ST6GALNAC3: variants seen among roughly 807,000 people sequenced by gnomAD.
ST6GALNAC3 encodes alpha-N-acetylgalactosaminide alpha-2,6-sialyltransferase 3.
Under a neutral mutation model 32.7 loss-of-function variants are expected in ST6GALNAC3, and 25 were observed. The ratio of observed to expected loss-of-function variants is 0.76; its 90% confidence interval spans 0.56 to 1.07. ST6GALNAC3 has a LOEUF of 1.07. Among genes scored for constraint, ST6GALNAC3 ranks in the 50% least tolerant of loss-of-function variants. The pLI is 0.00. For missense variants in ST6GALNAC3, 355 were observed against 382.4 expected (o/e 0.93, Z 0.60); for synonymous variants, 129 against 133.1 (o/e 0.97, Z 0.21).
At chr1:76,395,906 G>A (rs1652918978) in intron 2 of ST6GALNAC3, among the ~76,000 whole-genome samples, 1 of 152,078 alleles carries the variant, frequency 6.6e-6, no homozygotes, top group Non-Finnish European at 1.5e-5. Context: ...TGATAGCAGA[G>A]TAGGGTGAAT....
intron 3 of ST6GALNAC3, among the ~76,000 whole-genome samples, chr1:76,617,592 A>G (rs541149766): frequency 6.6e-6 from 1 of 152,304 alleles, no homozygotes; most frequent in South Asian, 2.1e-4. Context: ...CAACTTTTTA[A>G]AGCTTAAGTA....
At chr1:76,459,422 C>T (rs541181163) in intron 3 of ST6GALNAC3, among the ~76,000 whole-genome samples, 9 of 151,936 alleles carry the variant, frequency 5.9e-5, no homozygotes, top group East Asian at 1.9e-4. Context: ...AAATTAGCCA[C>T]GCGTGGTGGC....
At chr1:76,386,129 C>CT (rs1652074659) in intron 2 of ST6GALNAC3, among the ~76,000 whole-genome samples, 1 of 151,448 alleles carries the variant, frequency 6.6e-6, no homozygotes. Context: ...CTCTGAAAGC[C>CT]TATATATTAA....
At chr1:76,369,644 C>T (rs576538315) in intron 2 of ST6GALNAC3, among the ~76,000 whole-genome samples, 39 of 152,194 alleles carry the variant, frequency 2.6e-4, no homozygotes, top group African/African-American at 9.4e-4. Flanking sequence ...TCAGCCTCTT[C>T]CTTTCTCCTA....
At chr1:76,077,129 G>A (rs958397080) in intron 1 of ST6GALNAC3, among the ~76,000 whole-genome samples, 1 of 152,180 alleles carries the variant, frequency 6.6e-6, no homozygotes, top group African/African-American at 2.4e-5. Flanking sequence ...TGAGTTCAGT[G>A]CAAGCCTGGC....
At chr1:76,075,530 G>A (rs1646803417) in intron 1 of ST6GALNAC3, among the ~76,000 whole-genome samples, 1 of 152,166 alleles carries the variant, frequency 6.6e-6, no homozygotes, top group African/African-American at 2.4e-5. Flanking sequence ...TTTATGCTCT[G>A]CCAGAGTGCG....
chr1:76,573,358 C>T (rs555544863), intron 3 of ST6GALNAC3, among the ~76,000 whole-genome samples: 1 of 152,202 alleles, frequency 6.6e-6, no homozygotes, highest in African/African-American at 2.4e-5. Flanking sequence ...TAACAAATCT[C>T]ATTGTTGATT....
chr1:76,284,937 GGT>G (rs1659694519), intron 1 of ST6GALNAC3, among the ~76,000 whole-genome samples: 1 of 152,036 alleles, frequency 6.6e-6, no homozygotes, highest in Non-Finnish European at 1.5e-5. Flanking sequence ...GCCACAATAG[GGT>G]GTGGATAGGT....
chr1:76,470,958 T>G (rs1013104921), intron 3 of ST6GALNAC3, among the ~76,000 whole-genome samples: 7 of 152,094 alleles, frequency 4.6e-5, no homozygotes, highest in Non-Finnish European at 8.8e-5. Flanking sequence ...CAAACATGAC[T>G]TGATCTCTTT....
chr1:76,420,056 G>A (rs1170281317), intron 3 of ST6GALNAC3, among the ~76,000 whole-genome samples: 2 of 151,658 alleles, frequency 1.3e-5, no homozygotes, highest in Non-Finnish European at 2.9e-5. Context: ...AGCGGAGAGA[G>A]AAAAACCCCA....
chr1:76,141,876 A>G (rs1478545883), intron 1 of ST6GALNAC3, among the ~76,000 whole-genome samples: 2 of 152,202 alleles, frequency 1.3e-5, no homozygotes, highest in African/African-American at 2.4e-5. Context: ...GATTCAACCA[A>G]GACCCCTGCT....
At chr1:76,341,690 T>TTTCC (rs1648048635) in intron 2 of ST6GALNAC3, among the ~76,000 whole-genome samples, 2 of 123,602 alleles carry the variant, frequency 1.6e-5, no homozygotes, top group African/African-American at 3.1e-5. Context: ...TCCTTCTTTC[T>TTTCC]TTCTTTCTTT....
intron 2 of ST6GALNAC3, among the ~76,000 whole-genome samples, chr1:76,344,396 C>T (rs974354693): frequency 2.6e-5 from 4 of 152,208 alleles, no homozygotes; most frequent in Non-Finnish European, 5.9e-5. Context: ...CTCCTGACCA[C>T]ATTTCATATT....
intron 1 of ST6GALNAC3, among the ~76,000 whole-genome samples, chr1:76,137,721 G>A (rs181984099): frequency 2.0e-5 from 3 of 152,178 alleles, no homozygotes; most frequent in East Asian, 3.8e-4. Flanking sequence ...ATTGCTAGGG[G>A]CTTTAAGATG....
rs1226896827 is a variant in ST6GALNAC3, at chr1:76,606,179, C to G, written c.624-21273C>G. Among the ~76,000 whole-genome samples the G allele has an allele frequency of 3.9e-5, 6 of 151,974 alleles. No homozygotes were observed. In the East Asian group the frequency reaches 1.2e-3, roughly 29 times the overall value. ...GGGGTGATTCCTCAAAGACCTAGAA[C>G]CAGAAAAGCCATTTGACCCAGCAAT... On this transcript the variant is annotated intron_variant, in intron 3 of 4. Coordinates refer to ENST00000328299, the MANE Select transcript of ST6GALNAC3 (RefSeq NM_152996.4).
At chr1:76,232,083 A>T (rs1656391135) in intron 1 of ST6GALNAC3, among the ~76,000 whole-genome samples, 1 of 152,156 alleles carries the variant, frequency 6.6e-6, no homozygotes, top group African/African-American at 2.4e-5. Context: ...AGGCTTTGAT[A>T]CCATGAAGTC....
intron 2 of ST6GALNAC3, among the ~76,000 whole-genome samples, chr1:76,315,652 A>G (rs189260430): frequency 2.2e-3 from 331 of 152,288 alleles, no homozygotes; most frequent in Admixed American, 3.7e-3. Context: ...CTTTGGAAGC[A>G]CACAGGCATG....
chr1:76,202,268 A>ATGTGTGTGTGTGTGTG (rs58107501), intron 1 of ST6GALNAC3, among the ~76,000 whole-genome samples: 23 of 145,432 alleles, frequency 1.6e-4, no homozygotes, highest in Admixed American at 9.6e-4. Flanking sequence ...GTGTGCATGC[A>ATGTGTGTGTGTGTGTG]TGTGTGTGTG....
intron 3 of ST6GALNAC3, among the ~76,000 whole-genome samples, chr1:76,517,916 AT>A (rs1662273374): frequency 3.9e-5 from 6 of 152,064 alleles, no homozygotes; most frequent in Non-Finnish European, 1.5e-5. Flanking sequence ...AGTGTGGACC[AT>A]AATTTCTACT....
Sources: gnomAD v4.1 joint callset for allele counts (sites outside exome capture counted in the v4.1 genomes callset) on GRCh38, gnomAD v4.1.1 for gene constraint, MANE v1.5 for transcripts, NCBI Gene and HGNC (gene_info 2026-07-23, HGNC 2026-07-21) for gene names.